TENM1: variants seen among roughly 807,000 people sequenced by gnomAD.
TENM1 encodes the protein teneurin-1.
TENM1 carries 35 observed loss-of-function variants against 174.8 expected under a neutral mutation model. The ratio of observed to expected loss-of-function variants is 0.20; its 90% CI spans 0.15 to 0.27. The LOEUF is 0.27. Ranked by LOEUF, TENM1 falls within the 10% of genes least tolerant of loss-of-function variation. The pLI, the probability that TENM1 is intolerant of heterozygous loss-of-function variation, is 1.00. For synonymous variants in TENM1, 781 were observed against 798.7 expected (o/e 0.98, Z 0.37); for missense variants, 1,633 against 2,130.1 (o/e 0.77, Z 4.59).
chrX:124,568,364 TG>T (rs2048985215), intron 11 of TENM1, among the ~76,000 whole-genome samples: 1 of 111,531 alleles, frequency 9.0e-6, no homozygotes, highest in African/African-American at 3.3e-5. Context: ...AGTAAGATGG[TG>T]AGTAATAAAC....
chrX:125,020,555 CA>C, the TENM1 span, among the ~76,000 whole-genome samples: 1 of 108,347 alleles, frequency 9.2e-6, no homozygotes, highest in Non-Finnish European at 1.9e-5. Context: ...TTTGCCTAGC[CA>C]AATGCTTCAA....
chrX:124,528,635 T>C (rs1569536373), intron 16 of TENM1, among the ~76,000 whole-genome samples: 1 of 110,041 alleles, frequency 9.1e-6, no homozygotes, highest in East Asian at 2.8e-4. Context: ...ACTCTGATTA[T>C]AGAATATTTG....
At chrX:124,512,964 C>A (rs891328728) in intron 18 of TENM1, among the ~76,000 whole-genome samples, 2 of 111,886 alleles carry the variant, frequency 1.8e-5, no homozygotes, top group African/African-American at 6.5e-5. Context: ...AGTGGGAGAT[C>A]TTTCTAGTCA....
At chrX:124,452,568 C>T (rs955305308) in intron 23 of TENM1, among the ~76,000 whole-genome samples, 2 of 110,991 alleles carry the variant, frequency 1.8e-5, no homozygotes, top group Admixed American at 9.6e-5. Flanking sequence ...GACACATGCA[C>T]ACGTATGTTT....
intron 3 of TENM1, among the ~76,000 whole-genome samples, chrX:124,857,860 T>C (rs185380642): frequency 2.5e-3 from 274 of 110,569 alleles, no homozygotes; most frequent in African/African-American, 8.7e-3. Flanking sequence ...CTAATGCATG[T>C]GCATGTGTGT....
chrX:125,137,568 C>G, the TENM1 span, among the ~76,000 whole-genome samples: 1 of 110,678 alleles, frequency 9.0e-6, no homozygotes, highest in African/African-American at 3.3e-5. Context: ...AGAACACCTT[C>G]TTTTATTACT....
intron 11 of TENM1, among the ~76,000 whole-genome samples, chrX:124,585,381 CT>C (rs1400780622): frequency 4.5e-5 from 5 of 111,270 alleles, no homozygotes; most frequent in Non-Finnish European, 9.4e-5. Context: ...GATTAAGAAA[CT>C]CACTCAAAAC....
At chrX:125,011,559 T>A in the TENM1 span, among the ~76,000 whole-genome samples, 4 of 112,100 alleles carry the variant, frequency 3.6e-5, no homozygotes, top group Non-Finnish European at 7.5e-5. Flanking sequence ...AAGACATTTA[T>A]GTTGCCAACA....
the TENM1 span, among the ~76,000 whole-genome samples, chrX:125,182,016 ACTTAT>A: frequency 1.3e-4 from 15 of 111,432 alleles, no homozygotes; most frequent in Admixed American, 7.6e-4. Context: ...AACAACACAG[ACTTAT>A]CTTAGAGATC....
At chrX:124,960,875 G>A (rs2058642561) in intron 1 of TENM1, among the ~76,000 whole-genome samples, 1 of 111,643 alleles carries the variant, frequency 9.0e-6, no homozygotes, top group Non-Finnish European at 1.9e-5. Flanking sequence ...TTTCCCAATT[G>A]TCAGGCAGAA....
At chrX:124,866,129 C>A (rs955680620) in intron 3 of TENM1, among the ~76,000 whole-genome samples, 2 of 111,786 alleles carry the variant, frequency 1.8e-5, no homozygotes, top group Non-Finnish European at 3.8e-5. Context: ...AAAGAAACAT[C>A]AGACTTAATC....
chrX:125,089,204 C>T, the TENM1 span, among the ~76,000 whole-genome samples: 270 of 111,633 alleles, frequency 2.4e-3, 1 homozygote, highest in Middle Eastern at 9.3e-3. Flanking sequence ...TTTTCGGGGT[C>T]ATTTTTACGG....
At chrX:125,106,994 G>A in the TENM1 span, among the ~76,000 whole-genome samples, 1 of 111,832 alleles carries the variant, frequency 8.9e-6, no homozygotes, top group South Asian at 3.8e-4. Context: ...CTGGACATCA[G>A]TGCAACTCCA....
At chrX:124,542,420 C>A (rs1452504884) in intron 15 of TENM1, among the ~76,000 whole-genome samples, 3 of 87,132 alleles carry the variant, frequency 3.4e-5, no homozygotes, top group African/African-American at 4.8e-5. Context: ...CATCTTGTTT[C>A]ATTTTTTTTT....
chrX:124,402,740 T>A, intron 27 of TENM1, among the ~76,000 whole-genome samples: 1 of 111,651 alleles, frequency 9.0e-6, no homozygotes. Context: ...TGAGGCTATA[T>A]GCTGGGAGAG....
At chrX:125,102,407 A>T in the TENM1 span, among the ~76,000 whole-genome samples, 1 of 93 alleles carries the variant, frequency 0.011, no homozygotes, top group Admixed American at 0.33. Flanking sequence ...AACAGAAAAA[A>T]ACCCAACCAT....
the TENM1 span, among the ~76,000 whole-genome samples, chrX:125,059,959 C>T: frequency 0.19 from 20,255 of 108,025 alleles, 1,483 homozygotes; most frequent in Admixed American, 0.33. Context: ...TTCCATAATG[C>T]CTTCAATTGG....
At chrX:124,477,388 T>G (rs1001771903) in intron 22 of TENM1, among the ~76,000 whole-genome samples, 4 of 112,215 alleles carry the variant, frequency 3.6e-5, no homozygotes, top group Non-Finnish European at 5.6e-5. Context: ...TAAATAAAAA[T>G]ATTTTGTTCC....
intron 1 of TENM1, among the ~76,000 whole-genome samples, chrX:124,937,295 G>GTT (rs1204776934): frequency 3.6e-5 from 4 of 111,705 alleles, no homozygotes; most frequent in African/African-American, 1.3e-4. Context: ...TTTTTGAATA[G>GTT]TTATATTTAA....
Sources: allele counts gnomAD v4.1 joint callset (sites outside exome capture counted in the v4.1 genomes callset), GRCh38; gene constraint gnomAD v4.1.1; transcripts MANE v1.5; gene names NCBI Gene and HGNC (gene_info 2026-07-23, HGNC 2026-07-21).